The following SPOCD1 variants were observed in gnomAD, a reference collection of about 807,000 sequenced individuals.
SPOCD1 encodes SPOC domain-containing protein 1.
Under a neutral mutation model 92.2 loss-of-function variants are expected in SPOCD1, and 64 were observed. The ratio of observed to expected loss-of-function variants is 0.69; its 90% confidence interval spans 0.57 to 0.86. The LOEUF (loss-of-function observed/expected upper bound fraction) is 0.86. Among genes scored for constraint, SPOCD1 ranks in the 40% least tolerant of loss-of-function variants. The pLI is 0.00. For missense variants in SPOCD1, 1,360 were observed against 1,543.1 expected, an observed-to-expected ratio of 0.88 and a Z score of 1.99; for synonymous variants, 578 against 619.3, an observed-to-expected ratio of 0.93 and a Z score of 0.99.
chr1:31,810,134 C>A (rs1429878982), intron 2 of SPOCD1, among the ~76,000 whole-genome samples: 1 of 152,134 alleles, frequency 6.6e-6, no homozygotes, highest in Non-Finnish European at 1.5e-5. Flanking sequence ...TATTTCAATT[C>A]TCTGGTTAGT....
At chr1:31,797,152 T>A (rs1430058607) in intron 9 of SPOCD1, among the ~76,000 whole-genome samples, 1 of 152,222 alleles carries the variant, frequency 6.6e-6, no homozygotes, top group Admixed American at 6.5e-5. Flanking sequence ...TAAAGCACTA[T>A]ATTAAACAAC....
At chr1:31,791,575 G>A (rs914108788) in intron 15 of SPOCD1, among the ~76,000 whole-genome samples, 9 of 152,176 alleles carry the variant, frequency 5.9e-5, no homozygotes, top group South Asian at 2.1e-4. Context: ...TGGGCAAAGC[G>A]CCCACTGCCA....
chr1:31,797,168 T>C (rs1372682278), intron 9 of SPOCD1, among the ~76,000 whole-genome samples: 7 of 152,212 alleles, frequency 4.6e-5, no homozygotes, highest in Non-Finnish European at 7.3e-5. Context: ...ACAACATATA[T>C]AGAGTGCTTA....
At chr1:31,791,968 G>C (rs1251473248) in intron 15 of SPOCD1, among the ~76,000 whole-genome samples, 1 of 152,234 alleles carries the variant, frequency 6.6e-6, no homozygotes, top group African/African-American at 2.4e-5. Context: ...TAGTCTAATA[G>C]TACCATTCTC....
chr1:31,806,577 C>T (rs1648833278), intron 2 of SPOCD1, among the ~76,000 whole-genome samples: 1 of 150,472 alleles, frequency 6.6e-6, no homozygotes, highest in Non-Finnish European at 1.5e-5. Context: ...CGGAGTCTCA[C>T]ACTGTTGCCC....
chr1:31,809,430 T>C (rs1392298028), intron 2 of SPOCD1, among the ~76,000 whole-genome samples: 2 of 151,784 alleles, frequency 1.3e-5, no homozygotes, highest in African/African-American at 4.8e-5. Flanking sequence ...GTCCACTCTA[T>C]AACCTGGCAA....
At chr1:31,810,754 T>C (rs1389023073) in intron 2 of SPOCD1, among the ~76,000 whole-genome samples, 2 of 152,206 alleles carry the variant, frequency 1.3e-5, no homozygotes, top group African/African-American at 2.4e-5. Context: ...TAGGCTGCTC[T>C]TCTGTTAGGA....
intron 3 of SPOCD1, 139 bp from the exon 4 acceptor site, chr1:31,800,756 C>T: frequency 1.3e-6 from 1 of 741,592 alleles, no homozygotes. Context: ...ACATGCCTGT[C>T]CTGGTCCCCG....
chr1:31,803,512 C>T (rs899144438), intron 2 of SPOCD1, among the ~76,000 whole-genome samples: 34 of 151,404 alleles, frequency 2.2e-4, no homozygotes, highest in South Asian at 4.2e-4. Context: ...ACAGGAGGAT[C>T]GCTTGAGGCC....
intron 10 of SPOCD1, 121 bp from the exon 11 acceptor site, chr1:31,794,356 C>T (rs1350871586): frequency 3.4e-6 from 2 of 589,208 alleles, no homozygotes; most frequent in Admixed American, 3.3e-5. Flanking sequence ...TGTTTTATTA[C>T]CAAAATACTG....
Position 31,815,002 on chromosome 1 carries a change from C to A in SPOCD1, c.332G>T (p.Gly111Val). The A allele has an allele frequency of 6.2e-7, 1 of 1,613,924 alleles. No homozygotes were observed. The highest frequency in any genetic ancestry group is 8.5e-7 in the Non-Finnish European group (1 of 1,179,996). Residue 111 changes from glycine to valine, a missense_variant, in exon 2 of 16, where the codon GGG becomes GTG. Coordinates refer to ENST00000360482, the MANE Select transcript of SPOCD1 (RefSeq NM_144569.7). The stretch of plus-strand genomic sequence containing the variant: ...GAGCCTCTTGGAGGTCAGAGCTCTC[C>A]CCTGAGTAGGCACCGAGGGCAGCTG... ...HMQLPSVPTQGRALTSKRLQV... is the reference protein window; with the variant it reads ...HMQLPSVPTQVRALTSKRLQV...
In SPOCD1 at chr1:31,814,511, C is replaced by T. The variant is rs367793557; in HGVS notation, c.823G>A (p.Gly275Arg). ...TCAGTCCCTGAGGCACATCCTGCCC[C>T]ACTTCCACCTGGCTCTCCAGGCCCA... ...GSGPGEPGGS[G>R]AGCASGTEKF... The change falls in exon 2 of 16, where the codon GGG (glycine) becomes AGG (arginine). Residue 275 changes from glycine (G) to arginine (R), a missense_variant. Around this residue, in one of 3 missense-constraint regions of SPOCD1, gnomAD observed 606 missense variants for 601.5 expected, o/e 1.01. Transcript: ENST00000360482. The surrounding 1 kb of genome is among the most constrained non-coding windows in gnomAD (Gnocchi z 4.2). 36 of 1,542,394 alleles carry T rather than the reference C, an allele frequency of 2.3e-5. No individual in the cohort carries two copies. The highest frequency in any genetic ancestry group is 3.2e-5 in the Non-Finnish European group (36 of 1,141,658).
rs570590044 is a variant in SPOCD1 at position 31,811,956 on chromosome 1, A to T, written c.1383+1995T>A. On this transcript the variant is annotated intron_variant, in intron 2 of 15. Transcript: ENST00000360482. ...AAAGGCTGCAGACCCAGGAATCCCA[A>T]TTCTGGGCATCTGGTCCAAATAAAT... Among the ~76,000 whole-genome samples the T allele has an allele frequency of 1.1e-4, 16 of 152,298 alleles. 1 individual carries two copies. In the South Asian group the frequency reaches 3.3e-3, roughly 32 times the overall value.
In SPOCD1 at chr1:31,815,157, G is replaced by C; in HGVS notation, c.177C>G (p.Ile59Met). Residue 59 changes from isoleucine to methionine, a missense_variant, in exon 2 of 16, where the codon ATC becomes ATG. Transcript: ENST00000360482. Reference sequence around the variant, plus strand: ...CACCTCGAAGGGCCTCCTTCCTGGGGATCTTCCTTCTGCTGCCAGCCCTGA... The same window carrying C: ...CACCTCGAAGGGCCTCCTTCCTGGGCATCTTCCTTCTGCTGCCAGCCCTGA... ...PGVRAGSRRK[I>M]PRKEALRGGS... is the part of the protein sequence containing the mutation. 4 of 1,607,828 alleles carry C rather than the reference G, an allele frequency of 2.5e-6. No homozygotes were observed. The highest frequency in any genetic ancestry group is 1.1e-5 in the South Asian group (1 of 91,000).
intron 10 of SPOCD1, chr1:31,794,441 C>G: frequency 2.2e-6 from 1 of 451,468 alleles, no homozygotes; most frequent in Non-Finnish European, 3.9e-6. Context: ...TCACACCACT[C>G]AGAGACCACT....
chr1:31,791,000 G>A lies in SPOCD1; in HGVS notation c.3254C>T (p.Ala1085Val), dbSNP rs760118864. Residue 1085 changes from alanine (A) to valine (V), a missense_variant, in exon 16 of 16, where the codon GCT becomes GTT. Coordinates refer to ENST00000360482, the MANE Select transcript of SPOCD1 (RefSeq NM_144569.7). Reference sequence around the variant, plus strand: ...CCTGCCTCTGGGGGGCCTCTGCCAAGCAGAGATTCCCCTTGGAGCTATACT... The same window carrying A: ...CCTGCCTCTGGGGGGCCTCTGCCAAACAGAGATTCCCCTTGGAGCTATACT... ...RGSIAPRGIS[A>V]WQRPPRGRGR... The A allele has an allele frequency of 3.1e-6, 5 of 1,593,176 alleles. No homozygotes were observed. In the South Asian group the frequency reaches 4.5e-5, roughly 14 times the overall value.
rs1371446131 is a variant in SPOCD1, at chr1:31,800,376, T to C, written c.1602+65A>G. 2.0e-6 allele frequency: 3 copies of C among 1,476,094 alleles called. No individual in the cohort carries two copies. The East Asian group carries it at 7.5e-5, about 37-fold the overall frequency. 91.4% of individuals were successfully genotyped at this position (1,476,094 alleles called of 1,614,324 possible). A position where few individuals can be genotyped will look rare whatever the true frequency, so the allele number is the denominator to read the frequency against. On this transcript the variant is annotated intron_variant, in intron 4 of 15. Transcript: ENST00000360482. Reference sequence around the variant, plus strand: ...ACCCTCTCTCTGAGCCTCAGTGACATCTCTGTGAATCAGGTGTGAAGGTGC... The same window carrying C: ...ACCCTCTCTCTGAGCCTCAGTGACACCTCTGTGAATCAGGTGTGAAGGTGC...
intron 6 of SPOCD1, 130 bp from the exon 7 acceptor site, chr1:31,799,615 T>C: frequency 3.7e-6 from 4 of 1,074,332 alleles, no homozygotes; most frequent in Non-Finnish European, 5.5e-6. Flanking sequence ...CCTCCCTCTA[T>C]CCATCTGGGA....
In SPOCD1 at chr1:31,791,207, G is replaced by A; in HGVS notation, c.3047C>T (p.Pro1016Leu). ...TGCTGTGTCTGGAAGCCCTTCCTTG[G>A]GGAGCAGCACAGCCAGCAACAGACT... ...HSSLLLAVLL[P>L]KEGLPDTAGS... Residue 1016 changes from proline (P) to leucine (L), a missense_variant, in exon 16 of 16, where the codon CCC becomes CTC. Physicochemically the swap from Pro to Leu is moderately conservative, Grantham distance 98 (BLOSUM62 -3). Around this residue, in one of 3 missense-constraint regions of SPOCD1, gnomAD observed 614 missense variants for 757.8 expected, o/e 0.81. Coordinates refer to ENST00000360482, the MANE Select transcript of SPOCD1 (RefSeq NM_144569.7). 4.4e-6 allele frequency: 7 copies of A among 1,609,068 alleles called. No individual in the cohort carries two copies. Among genetic ancestry groups the A allele is most frequent in the Non-Finnish European group, 5.9e-6 (7 of 1,177,184 alleles).
Sources: allele counts gnomAD v4.1 joint callset (sites outside exome capture counted in the v4.1 genomes callset), GRCh38; gene constraint gnomAD v4.1.1; regional missense constraint gnomAD v4.1.1; non-coding constraint Gnocchi (gnomAD v3.1); transcripts MANE v1.5; gene names NCBI Gene and HGNC (gene_info 2026-07-23, HGNC 2026-07-21).